CNKSR2: variants seen among roughly 807,000 people sequenced by gnomAD.
CNKSR2 encodes CNK homolog protein 2.
Under a neutral mutation model 84.4 loss-of-function variants are expected in CNKSR2, and 14 were observed. That is an observed-to-expected ratio of 0.17 (90% CI 0.11 to 0.26). The LOEUF is 0.26. CNKSR2 is among the 10% of genes least tolerant of loss of function. The pLI is 1.00. For missense variants in CNKSR2, 485 were observed against 771.2 expected (o/e 0.63, Z 4.40); for synonymous variants, 275 against 277.9 (o/e 0.99, Z 0.10).
intron 1 of CNKSR2, among the ~76,000 whole-genome samples, chrX:21,409,991 C>T (rs1056526612): frequency 2.7e-5 from 3 of 109,117 alleles, no homozygotes; most frequent in Non-Finnish European, 3.8e-5. Flanking sequence ...ATTACAAAAA[C>T]GGCATAGCTA....
chrX:21,440,860 A>G (rs1274649291), intron 4 of CNKSR2, 79 bp downstream of exon 4: 1 of 531,472 alleles, frequency 1.9e-6, no homozygotes, highest in Non-Finnish European at 3.0e-6. Context: ...CTATGTACCA[A>G]GAGTTTTTAA....
At chrX:21,395,566 A>C (rs2146974541) in intron 1 of CNKSR2, among the ~76,000 whole-genome samples, 1 of 110,683 alleles carries the variant, frequency 9.0e-6, no homozygotes, top group East Asian at 2.8e-4. Context: ...AAAAGAGATC[A>C]TGTGGTTGAG....
At chrX:21,573,531 G>C (rs1409803366) in intron 13 of CNKSR2, among the ~76,000 whole-genome samples, 1 of 112,348 alleles carries the variant, frequency 8.9e-6, no homozygotes, top group Non-Finnish European at 1.9e-5. Context: ...TATGGGCAGA[G>C]GTTCCCAAGC....
rs951657328 is a variant in CNKSR2, at chrX:21,516,382, A to G, written c.811-103A>G. 10 of 862,792 alleles carry G rather than the reference A, an allele frequency of 1.2e-5. No homozygotes were observed. The African/African-American group carries it at 2.1e-4, about 18-fold the overall frequency. The allele number at this position is 862,792 out of a possible 1,213,427, so 71.1% of individuals were successfully genotyped here. ...CTGAAAATTGATAGGATGGTACACC[A>G]ATTATGTGACTTTTTTTTTTACTAA... is the stretch of plus-strand genomic sequence containing the variant. On this transcript the variant is annotated intron_variant, in intron 8 of 21. Coordinates refer to ENST00000379510, the MANE Select transcript of CNKSR2 (RefSeq NM_014927.5).
At chrX:21,634,877 T>TA (rs1238865012) in intron 20 of CNKSR2, among the ~76,000 whole-genome samples, 19 of 107,908 alleles carry the variant, frequency 1.8e-4, no homozygotes, top group African/African-American at 6.1e-4. Context: ...TATATATACA[T>TA]ACATATATTC....
At chrX:21,481,465 C>A (rs145004309) in intron 5 of CNKSR2, among the ~76,000 whole-genome samples, 2,622 of 111,440 alleles carry the variant, frequency 0.024, 24 homozygotes, top group Non-Finnish European at 0.039. Context: ...AGACAGGATT[C>A]TAAGATGACC....
At chrX:21,579,718 G>A (rs5951453) in intron 13 of CNKSR2, among the ~76,000 whole-genome samples, 1 of 111,048 alleles carries the variant, frequency 9.0e-6, no homozygotes, top group Non-Finnish European at 1.9e-5. Context: ...GGCTCTGTGT[G>A]GTGACAGTAT....
chrX:21,643,761 T>A (rs1490827931), intron 20 of CNKSR2: 1 of 111,478 alleles, frequency 9.0e-6, no homozygotes, highest in Admixed American at 9.6e-5. Flanking sequence ...TGATTACAGA[T>A]GGAGGACTAA....
intron 12 of CNKSR2, 57 bp downstream of exon 12, chrX:21,561,617 A>G: frequency 1.2e-6 from 1 of 842,632 alleles, no homozygotes. Flanking sequence ...AGCAAATTTA[A>G]ATGTTCTGTA....
At chrX:21,562,726 A>G (rs2092202683) in intron 12 of CNKSR2, among the ~76,000 whole-genome samples, 1 of 111,416 alleles carries the variant, frequency 9.0e-6, no homozygotes, top group South Asian at 3.8e-4. Flanking sequence ...CTAAGAGCTG[A>G]CTACCAATTT....
intron 4 of CNKSR2, among the ~76,000 whole-genome samples, chrX:21,461,684 CT>C (rs1267617854): frequency 1.8e-5 from 2 of 112,375 alleles, no homozygotes; most frequent in African/African-American, 6.5e-5. Flanking sequence ...AGATTTAAGT[CT>C]TTAATCCATT....
chrX:21,627,925 A>G (rs1049741722), intron 20 of CNKSR2, among the ~76,000 whole-genome samples: 22 of 111,442 alleles, frequency 2.0e-4, no homozygotes, highest in Non-Finnish European at 7.5e-5. Flanking sequence ...TCATTTCAGC[A>G]TTAACTCAAA....
chrX:21,566,671 A>G (rs1326309732), intron 13 of CNKSR2, among the ~76,000 whole-genome samples: 1 of 112,052 alleles, frequency 8.9e-6, no homozygotes, highest in Middle Eastern at 4.6e-3. Context: ...AAAATTTAGT[A>G]TGAATTTAAT....
At chrX:21,386,972 T>C (rs1428969715) in intron 1 of CNKSR2, among the ~76,000 whole-genome samples, 1 of 112,144 alleles carries the variant, frequency 8.9e-6, no homozygotes. Flanking sequence ...TTTTTGAGAA[T>C]TTCATCACTT....
At chrX:21,564,774 G>C (rs1258126572) in intron 13 of CNKSR2, among the ~76,000 whole-genome samples, 2 of 108,928 alleles carry the variant, frequency 1.8e-5, no homozygotes, top group Admixed American at 9.9e-5. Flanking sequence ...TTGGACTATA[G>C]TGTTATTAGC....
chrX:21,554,216 C>T (rs1017167480), intron 11 of CNKSR2, among the ~76,000 whole-genome samples: 13 of 111,908 alleles, frequency 1.2e-4, no homozygotes, highest in African/African-American at 3.2e-4. Flanking sequence ...AATTTTTTGA[C>T]GCAGTTCAGT....
At chrX:21,600,066 G>A (rs967899801) in intron 17 of CNKSR2, among the ~76,000 whole-genome samples, 6 of 111,532 alleles carry the variant, frequency 5.4e-5, no homozygotes, top group Non-Finnish European at 9.4e-5. Context: ...TAATTACATT[G>A]TAGGTTTTGC....
intron 4 of CNKSR2, among the ~76,000 whole-genome samples, chrX:21,444,927 TATTCAA>T (rs2090832547): frequency 1.8e-5 from 2 of 111,477 alleles, no homozygotes; most frequent in South Asian, 7.5e-4. Context: ...TCTATTCACA[TATTCAA>T]GTTCAAGTAG....
At chrX:21,427,252 C>CGGAAAATAAATTTA (rs1202581816) in intron 2 of CNKSR2, 1 of 111,629 alleles carries the variant, frequency 9.0e-6, no homozygotes, top group Non-Finnish European at 1.9e-5. Flanking sequence ...GAAGTTAATG[C>CGGAAAATAAATTTA]GGAAAATAAA....
Sources: gnomAD v4.1 joint callset for allele counts (sites outside exome capture counted in the v4.1 genomes callset) on GRCh38, gnomAD v4.1.1 for gene constraint, MANE v1.5 for transcripts, NCBI Gene and HGNC (gene_info 2026-07-23, HGNC 2026-07-21) for gene names.